Variants in KAZN observed in about 807,000 individuals in gnomAD.
KAZN encodes kazrin, periplakin interacting protein.
A neutral mutation model predicts 87.4 loss-of-function variants in KAZN; 40 were observed. The observed-to-expected ratio is 0.46, with a 90% CI of 0.36 to 0.60. The LOEUF (loss-of-function observed/expected upper bound fraction) is 0.60. Among genes scored for constraint, KAZN ranks in the 20% least tolerant of loss-of-function variants. The pLI is 0.00. For missense variants in KAZN, 898 were observed against 1,073.9 expected (o/e 0.84, Z 2.29); for synonymous variants, 466 against 458.3 (o/e 1.02, Z -0.22).
intron 1 of KAZN, among the ~76,000 whole-genome samples, chr1:14,159,994 C>T (rs1015650025): frequency 6.6e-6 from 1 of 152,196 alleles, no homozygotes; most frequent in East Asian, 1.9e-4. Context: ...CTTCCCTTTC[C>T]TCTCCTCAAG....
At chr1:14,237,933 C>G (rs929502748) in intron 2 of KAZN, among the ~76,000 whole-genome samples, 1 of 152,216 alleles carries the variant, frequency 6.6e-6, no homozygotes, top group Admixed American at 6.5e-5. Flanking sequence ...TTTATAAAAT[C>G]AGGTACTAAG....
At chr1:14,610,885 CG>C (rs1677763575) in intron 1 of KAZN, among the ~76,000 whole-genome samples, 1 of 152,090 alleles carries the variant, frequency 6.6e-6, no homozygotes, top group Admixed American at 6.6e-5. Context: ...CTCTTTTATT[CG>C]GGTCTTTGGG....
chr1:14,705,111 G>A (rs1427853961), intron 1 of KAZN, among the ~76,000 whole-genome samples: 3 of 152,176 alleles, frequency 2.0e-5, no homozygotes, highest in Non-Finnish European at 4.4e-5. Context: ...AGAAGGGTTG[G>A]TTTCTCTGTA....
In KAZN at chr1:15,077,391, C is replaced by G. The variant is rs1314080669; in HGVS notation, c.1222+11638C>G. On this transcript the variant is annotated intron_variant, in intron 8 of 14. Transcript: ENST00000376030. This position sits in a 1 kb window ranked among gnomAD's most constrained non-coding sequence, Gnocchi z 4.8. ...TGGAGGGCCCTCCTGTCCTCCACTC[C>G]CTGACGGCCAGGCAGCAGGGCTCCA... is the stretch of plus-strand genomic sequence containing the variant. Among the ~76,000 whole-genome samples, 1 of 152,184 alleles carries G rather than the reference C, an allele frequency of 6.6e-6. No homozygotes were observed. Among genetic ancestry groups the G allele is most frequent in the African/African-American group, 2.4e-5 (1 of 41,448 alleles).
intron 1 of KAZN, among the ~76,000 whole-genome samples, chr1:14,880,146 G>A (rs1653185755): frequency 6.6e-6 from 1 of 152,168 alleles, no homozygotes; most frequent in African/African-American, 2.4e-5. Context: ...AGTTATGTGT[G>A]AAAAGGGAGC....
intron 2 of KAZN, among the ~76,000 whole-genome samples, chr1:14,556,066 T>G (rs929807304): frequency 6.6e-6 from 1 of 151,858 alleles, no homozygotes; most frequent in Non-Finnish European, 1.5e-5. Context: ...AACTGGCAAA[T>G]CCTACAAGCT....
At chr1:14,422,037 A>G (rs1665462558) in intron 2 of KAZN, among the ~76,000 whole-genome samples, 1 of 152,244 alleles carries the variant, frequency 6.6e-6, no homozygotes, top group Non-Finnish European at 1.5e-5. Flanking sequence ...AGATTTGGAA[A>G]GTCTGTCTTG....
At chr1:13,963,974 C>G (rs557171302) in intron 1 of KAZN, among the ~76,000 whole-genome samples, 2 of 152,140 alleles carry the variant, frequency 1.3e-5, no homozygotes, top group Non-Finnish European at 2.9e-5. Context: ...AGAGTATCTA[C>G]CTCCTAATGC....
chr1:14,008,082 T>G (rs1640117118), intron 1 of KAZN, among the ~76,000 whole-genome samples: 1 of 152,186 alleles, frequency 6.6e-6, no homozygotes, highest in African/African-American at 2.4e-5. Flanking sequence ...GTAATTGGCA[T>G]TGTGGCCTGC....
chr1:14,473,297 A>G (rs989461079), intron 2 of KAZN, among the ~76,000 whole-genome samples: 5 of 152,216 alleles, frequency 3.3e-5, no homozygotes, highest in African/African-American at 1.2e-4. Flanking sequence ...TTAAATGGGT[A>G]GCTTATATTG....
chr1:14,468,394 C>T (rs909764862), intron 2 of KAZN, among the ~76,000 whole-genome samples: 5 of 152,138 alleles, frequency 3.3e-5, no homozygotes, highest in African/African-American at 1.2e-4. Flanking sequence ...AGCCATGAAA[C>T]CCCAGGAACT....
intron 1 of KAZN, among the ~76,000 whole-genome samples, chr1:14,166,066 G>A (rs1645819061): frequency 6.6e-6 from 1 of 152,188 alleles, no homozygotes; most frequent in Admixed American, 6.5e-5. Flanking sequence ...TATAATCCCA[G>A]CACTTCGGGA....
chr1:14,211,783 A>C (rs1646858048), intron 2 of KAZN, among the ~76,000 whole-genome samples: 1 of 151,878 alleles, frequency 6.6e-6, no homozygotes, highest in Non-Finnish European at 1.5e-5. Context: ...AATTTTCCAA[A>C]TTTATCAGCT....
Position 15,114,458 on chromosome 1 carries a change from C to A in KAZN, c.2164-13C>A. 1 of 1,600,356 alleles carries A rather than the reference C, an allele frequency of 6.2e-7. No homozygotes were observed. Among genetic ancestry groups the A allele is most frequent in the African/African-American group, 1.3e-5 (1 of 74,848 alleles). On this transcript the variant is annotated splice_polypyrimidine_tract_variant and intron_variant, in intron 14 of 14. Coordinates refer to ENST00000376030, the MANE Select transcript of KAZN (RefSeq NM_201628.3). ...CTTCTTCCTGTCCTTTGATCATATT[C>A]TTCTCTTCTCAGCTGCCCCTGGGGA...
chr1:15,054,565 T>C (rs988374253), intron 4 of KAZN, among the ~76,000 whole-genome samples: 1 of 151,580 alleles, frequency 6.6e-6, no homozygotes, highest in Admixed American at 6.6e-5. Flanking sequence ...GGCAGGAGAA[T>C]TGCTTGAGCA....
rs558847864 is a variant in KAZN at position 14,911,972 on chromosome 1, T to C, written c.227-48712T>C. Among the ~76,000 whole-genome samples the C allele has an allele frequency of 5.3e-5, 8 of 152,000 alleles. No homozygotes were observed. The South Asian group carries it at 1.7e-3, about 32-fold the overall frequency. On this transcript the variant is annotated intron_variant, in intron 1 of 14. Coordinates refer to ENST00000376030, the MANE Select transcript of KAZN (RefSeq NM_201628.3). ...TTTGAGACCAGCCTGTCCAATATGATGGCACGTTATCTCTACTAAAAATAC... is the reference window on the plus strand; with the variant it reads ...TTTGAGACCAGCCTGTCCAATATGACGGCACGTTATCTCTACTAAAAATAC...
intron 1 of KAZN, among the ~76,000 whole-genome samples, chr1:13,907,565 T>C (rs1181692178): frequency 6.6e-6 from 1 of 152,168 alleles, no homozygotes. Flanking sequence ...TTATCTGGTC[T>C]CTGTTACTCT....
At chr1:14,563,913 C>T (rs1438187291) in intron 2 of KAZN, among the ~76,000 whole-genome samples, 1 of 118,106 alleles carries the variant, frequency 8.5e-6, no homozygotes, top group Admixed American at 1.0e-4. Context: ...CTTGCTCAGC[C>T]ACCCAGGCTG....
intron 1 of KAZN, among the ~76,000 whole-genome samples, chr1:13,906,197 G>A (rs908081360): frequency 3.3e-5 from 5 of 152,106 alleles, no homozygotes; most frequent in East Asian, 1.9e-4. Flanking sequence ...TTTGCAGGGG[G>A]CATTTTCAGC....
Sources: gnomAD v4.1 joint callset for allele counts (sites outside exome capture counted in the v4.1 genomes callset) on GRCh38, gnomAD v4.1.1 for gene constraint, Gnocchi (gnomAD v3.1) non-coding constraint, MANE v1.5 for transcripts, NCBI Gene and HGNC (gene_info 2026-07-23, HGNC 2026-07-21) for gene names.